The following IVD variants were observed in gnomAD, a reference collection of about 807,000 sequenced individuals.
The protein encoded by IVD is isovaleryl-CoA dehydrogenase, mitochondrial.
In IVD, 31 loss-of-function variants were observed where a neutral mutation model predicts 51.3. That is an observed-to-expected ratio of 0.60 (90% confidence interval 0.45 to 0.81). IVD has a LOEUF of 0.81. Ranked by LOEUF, IVD falls within the 40% of genes least tolerant of loss-of-function variation. The pLI, the probability that IVD is intolerant of heterozygous loss-of-function variation, is 0.00. For synonymous variants in IVD, 205 were observed against 219.4 expected (o/e 0.93, Z 0.58); for missense variants, 475 against 552.0 (o/e 0.86, Z 1.40).
intron 11 of IVD, among the ~76,000 whole-genome samples, chr15:40,417,206 GAAA>G (rs748314280): frequency 3.2e-5 from 3 of 95,170 alleles, no homozygotes; most frequent in Middle Eastern, 6.1e-3. Context: ...CTCCGTCTCG[GAAA>G]AAAAAAAAAA....
At chr15:40,406,000 C>G (rs1293826929) in intron 1 of IVD, 29 bp downstream of exon 1, 2 of 1,257,320 alleles carry the variant, frequency 1.6e-6, no homozygotes, top group Non-Finnish European at 2.2e-6. Flanking sequence ...TTCCTGGCCC[C>G]AAGGCCTCCT....
rs1021245627 is a variant in IVD, at chr15:40,411,656, G to C, written c.652G>C (p.Ala218Pro). 4 of 1,614,122 alleles carry C rather than the reference G, an allele frequency of 2.5e-6. No homozygotes were observed. The highest frequency in any genetic ancestry group is 1.6e-4 in the Middle Eastern group (1 of 6,084). ...YAKTDLAAVP[A>P]SRGITAFIVE... is the part of the protein sequence containing the mutation. Reference sequence around the variant, plus strand: ...CAAGACAGATCTGGCTGCTGTGCCAGCTTCTCGGGGCATCACAGCCTTCAT... The same window carrying C: ...CAAGACAGATCTGGCTGCTGTGCCACCTTCTCGGGGCATCACAGCCTTCAT... The change falls in exon 6 of 12, where the codon GCT (alanine) becomes CCT (proline). Residue 218 changes from alanine to proline, a missense_variant. Ala to Pro is a conservative substitution (Grantham distance 27). Transcript: ENST00000487418.
intron 11 of IVD, among the ~76,000 whole-genome samples, chr15:40,417,751 G>A (rs764870236): frequency 1.8e-4 from 28 of 152,090 alleles, no homozygotes; most frequent in Non-Finnish European, 3.7e-4. Flanking sequence ...TTGCTCAGTG[G>A]CCCCAGATTG....
chr15:40,428,696 C>T (rs1042030291), downstream of IVD, among the ~76,000 whole-genome samples: 7 of 152,178 alleles, frequency 4.6e-5, no homozygotes, highest in Admixed American at 2.6e-4. Flanking sequence ...AAGGGGGCTG[C>T]AACCTCCTGT....
chr15:40,417,263 T>A (rs1891800487), intron 11 of IVD, among the ~76,000 whole-genome samples: 1 of 148,132 alleles, frequency 6.8e-6, no homozygotes, highest in African/African-American at 2.5e-5. Flanking sequence ...ATCCCAGCAC[T>A]TTGGGAGGCC....
chr15:40,413,664 GT>G (rs200207728), intron 7 of IVD, among the ~76,000 whole-genome samples: 3 of 116,212 alleles, frequency 2.6e-5, no homozygotes, highest in Non-Finnish European at 3.8e-5. Context: ...GTTGTTTGGG[GT>G]TTTTTTTTGT....
intron 7 of IVD, chr15:40,433,742 C>T (rs1893111043): frequency 2.4e-6 from 1 of 409,448 alleles, no homozygotes; most frequent in Non-Finnish European, 4.9e-6. Flanking sequence ...ATTCAGTTCA[C>T]CAAGCATTAT....
At chr15:40,424,271 C>G, downstream of IVD, 1 of 1,010,174 alleles carries the variant, frequency 9.9e-7, no homozygotes, top group Non-Finnish European at 1.3e-6. Flanking sequence ...TGGGCCTTCC[C>G]CTTCTGCTGC....
At chr15:40,421,357 G>A (rs138015126), downstream of IVD, 243 of 985,464 alleles carry the variant, frequency 2.5e-4, 1 homozygote, top group African/African-American at 4.1e-3. Context: ...CGTCTACTTT[G>A]GTTCTTGTGG....
rs142289644 is a variant in IVD at position 40,411,412 on chromosome 15, A to G, written c.550+59A>G. The G allele has an allele frequency of 2.4e-4, 390 of 1,595,942 alleles. 1 individual carries two copies. In the African/African-American group the frequency reaches 4.5e-3, roughly 18 times the overall value. Reference sequence around the variant, plus strand: ...GCAGAGGTACAGACATTATCAGGATAATGGAGCAACAATTGTGGGTGGCCC... The same window carrying G: ...GCAGAGGTACAGACATTATCAGGATGATGGAGCAACAATTGTGGGTGGCCC... On this transcript the variant is annotated intron_variant, in intron 5 of 11. Coordinates refer to ENST00000487418, the MANE Select transcript of IVD (RefSeq NM_002225.5).
At chr15:40,424,838 C>T (rs895226374), downstream of IVD, among the ~76,000 whole-genome samples, 7 of 152,208 alleles carry the variant, frequency 4.6e-5, no homozygotes, top group Admixed American at 2.6e-4. Flanking sequence ...CAATAGCACC[C>T]GGGGCTCACA....
chr15:40,433,188 G>A (rs1009584525), intron 7 of IVD, among the ~76,000 whole-genome samples: 28 of 151,982 alleles, frequency 1.8e-4, no homozygotes, highest in South Asian at 8.3e-4. Context: ...GTTAAATGCC[G>A]TATGAAAAAA....
At chr15:40,424,624 T>A (rs1450920184), downstream of IVD, among the ~76,000 whole-genome samples, 1 of 152,264 alleles carries the variant, frequency 6.6e-6, no homozygotes, top group East Asian at 1.9e-4. Flanking sequence ...GAGCTAGGAC[T>A]GTGATTTGAC....
chr15:40,411,573 A>C lies in IVD; in HGVS notation c.569A>C (p.Asn190Thr), dbSNP rs1362297106. The C allele has an allele frequency of 6.2e-7, 1 of 1,614,232 alleles. No individual in the cohort carries two copies. The highest frequency in any genetic ancestry group is 1.3e-5 in the African/African-American group (1 of 75,062). ...AEKKGNHYILNGNKFWITNGP... is the reference protein window; with the variant it reads ...AEKKGNHYILTGNKFWITNGP... ...CCCTTAGGAAATCACTACATCCTGA[A>C]TGGCAACAAGTTCTGGATCACTAAT... Residue 190 changes from asparagine (N) to threonine (T), a missense_variant, in exon 6 of 12, where the codon AAT (asparagine) becomes ACT (threonine). Physicochemically the swap from Asn to Thr is moderately conservative, Grantham distance 65. Transcript: ENST00000487418.
downstream of IVD, chr15:40,424,045 C>T (rs2304646): frequency 3.3e-4 from 255 of 772,312 alleles, 4 homozygotes; most frequent in East Asian, 0.02. Context: ...TTCCCTCACC[C>T]ACCACCCAGC....
chr15:40,406,339 G>T, intron 1 of IVD: 1 of 1,339,654 alleles, frequency 7.5e-7, no homozygotes, highest in Non-Finnish European at 9.8e-7. Flanking sequence ...ACTTACACCT[G>T]AACAGGCTGA....
rs755094829 is a variant in IVD at position 40,411,289 on chromosome 15, G to A, written c.486G>A (p.Leu162=). ...KLISGEYIGA[L]AMSEPNAGSD... Reference sequence around the variant, plus strand: ...TCAGTGGTGAGTACATCGGAGCCCTGGCCATGAGTGAGCCCAATGCAGGCT... The same window carrying A: ...TCAGTGGTGAGTACATCGGAGCCCTAGCCATGAGTGAGCCCAATGCAGGCT... Residue 162 remains leucine (L), a synonymous_variant, in exon 5 of 12, where the codon CTG becomes CTA. Transcript: ENST00000487418. 3.7e-6 allele frequency: 6 copies of A among 1,614,180 alleles called. No homozygotes were observed. The South Asian group carries it at 6.6e-5, about 18-fold the overall frequency.
At chr15:40,435,279 C>A (rs1893202790) in intron 8 of IVD, 24 of 482,026 alleles carry the variant, frequency 5.0e-5, no homozygotes, top group Non-Finnish European at 6.2e-5. Flanking sequence ...GGCTGCCTAT[C>A]TTAGCGAGTG....
At chr15:40,432,313 C>T (rs1322883471) in intron 7 of IVD, among the ~76,000 whole-genome samples, 2 of 152,242 alleles carry the variant, frequency 1.3e-5, no homozygotes, top group Admixed American at 1.3e-4. Context: ...TTAGGTCATA[C>T]ACTCTTTGAT....
Sources: allele counts gnomAD v4.1 joint callset (sites outside exome capture counted in the v4.1 genomes callset), GRCh38; gene constraint gnomAD v4.1.1; transcripts MANE v1.5; gene names NCBI Gene and HGNC (gene_info 2026-07-23, HGNC 2026-07-21).